Variants in CFAP221 observed in about 807,000 individuals in gnomAD.
CFAP221 encodes cilia- and flagella-associated protein 221.
CFAP221 carries 97 observed loss-of-function variants against 113.1 expected under a neutral mutation model. That is an observed-to-expected ratio of 0.86 (90% CI 0.73 to 1.02). The LOEUF is 1.02. Ranked by LOEUF, CFAP221 falls within the 50% of genes least tolerant of loss-of-function variation. The probability of loss-of-function intolerance (pLI) is 0.00; values close to 1 mark genes in which losing one functional copy is unlikely to be tolerated. For synonymous variants in CFAP221, 331 were observed against 354.4 expected (o/e 0.93, Z 0.74); for missense variants, 1,025 against 1,013.4 (o/e 1.01, Z -0.16).
intron 21 of CFAP221, among the ~76,000 whole-genome samples, chr2:119,640,633 A>G (rs560960402): frequency 1.3e-5 from 2 of 152,282 alleles, no homozygotes; most frequent in Non-Finnish European, 2.9e-5. Flanking sequence ...AATGATTATC[A>G]TCAGCTGTCA....
intron 20 of CFAP221, among the ~76,000 whole-genome samples, 187 bp downstream of exon 20, chr2:119,638,604 G>A (rs1687265725): frequency 6.6e-6 from 1 of 152,144 alleles, no homozygotes; most frequent in South Asian, 2.1e-4. Context: ...GCACCGCCTT[G>A]TCCTGACCAC....
Position 119,627,631 on chromosome 2 carries a change from G to A in CFAP221, c.1517-22G>A, listed in dbSNP as rs374871416. 5.6e-6 allele frequency: 9 copies of A among 1,610,854 alleles called. No homozygotes were observed. The African/African-American group carries it at 1.1e-4, about 19-fold the overall frequency. On this transcript the variant is annotated intron_variant, in intron 15 of 23. Coordinates refer to ENST00000413369, the MANE Select transcript of CFAP221 (RefSeq NM_001271049.2). Reference sequence around the variant, plus strand: ...AAAATACCTTTAGTACCCCCTAAAAGTGCCCTTTTTTTCACCCATAGAGGC... The same window carrying A: ...AAAATACCTTTAGTACCCCCTAAAAATGCCCTTTTTTTCACCCATAGAGGC...
At chr2:119,657,689 A>G (rs368786719), downstream of CFAP221, among the ~76,000 whole-genome samples, 2 of 152,260 alleles carry the variant, frequency 1.3e-5, no homozygotes, top group Admixed American at 6.5e-5. Context: ...AGGAGTCCAC[A>G]CTGCGATTGG....
intron 19 of CFAP221, chr2:119,631,227 T>C (rs760712621): frequency 4.4e-6 from 2 of 453,360 alleles, no homozygotes; most frequent in Non-Finnish European, 6.0e-6. Context: ...AAACAAAAAA[T>C]CTGTGGGAAA....
In CFAP221 at chr2:119,558,030, G is replaced by T. The variant is rs1030524847; in HGVS notation, c.241-1659G>T. 7.3e-5 allele frequency among the ~76,000 whole-genome samples: 11 copies of T among 151,406 alleles called. 1 individual carries two copies. Among genetic ancestry groups the T allele is most frequent in the African/African-American group, 2.7e-4 (11 of 41,170 alleles). On this transcript the variant is annotated intron_variant, in intron 3 of 23. Transcript: ENST00000413369. ...TCCTCTAAGCTTAACCACTCCCAGG[G>T]TACATATTAAAACCAGCTTATGCAC...
intron 23 of CFAP221, among the ~76,000 whole-genome samples, chr2:119,654,057 T>C (rs1208133385): frequency 6.6e-6 from 1 of 152,198 alleles, no homozygotes; most frequent in Non-Finnish European, 1.5e-5. Context: ...GTTTGTCGTC[T>C]ACTTTGTTGT....
chr2:119,650,572 A>T (rs1426346555), intron 22 of CFAP221, among the ~76,000 whole-genome samples: 3 of 152,242 alleles, frequency 2.0e-5, no homozygotes, highest in Non-Finnish European at 4.4e-5. Context: ...GTCAGAATTA[A>T]AGGAGATGCT....
At chr2:119,590,320 C>A (rs1683511581) in intron 7 of CFAP221, 1 of 152,094 alleles carries the variant, frequency 6.6e-6, no homozygotes, top group South Asian at 2.1e-4. Flanking sequence ...TGGGAGTAAA[C>A]CCAGAACCTC....
chr2:119,545,050 AAG>A (rs1491330082), intron 1 of CFAP221: 5 of 144,894 alleles, frequency 3.5e-5, no homozygotes, highest in African/African-American at 1.3e-4. Context: ...GGGAGGGGAG[AAG>A]AGGGGAGGGG....
rs367884122 is a variant in CFAP221 at position 119,647,049 on chromosome 2, C to A, written c.2317C>A (p.Arg773Ser). ...PEEDRLETVE[R>S]ELCEQNVEVM... Reference sequence around the variant, plus strand: ...AGAGGACAGACTAGAAACAGTAGAACGGTATTTTTTTTTTTTTTAATCTTT... The same window carrying A: ...AGAGGACAGACTAGAAACAGTAGAAAGGTATTTTTTTTTTTTTTAATCTTT... Residue 773 changes from arginine to serine, a missense_variant and splice_region_variant, in exon 22 of 24, where the codon CGT becomes AGT. Arg to Ser is a moderately radical substitution (Grantham distance 110, BLOSUM62 -1). Transcript: ENST00000413369. 2 of 1,475,030 alleles carry A rather than the reference C, an allele frequency of 1.4e-6. No individual in the cohort carries two copies. The highest frequency in any genetic ancestry group is 1.8e-6 in the Non-Finnish European group (2 of 1,116,428). 91.4% of individuals were successfully genotyped at this position (1,475,030 alleles called of 1,614,324 possible).
rs1440812337 is a variant in CFAP221 at position 119,604,976 on chromosome 2, A to G, written c.1013A>G (p.Glu338Gly). ...NQEPGKLKIK[E>G]LREVLDQGTE... The stretch of plus-strand genomic sequence containing the variant: ...GAACCAGGAAAATTGAAGATTAAAG[A>G]ATTAAGAGAAGGTAACCAGTTGATT... Residue 338 changes from glutamate (E) to glycine (G), a missense_variant, in exon 10 of 24, where the codon GAA (glutamate) becomes GGA (glycine). By Grantham distance (98) the Glu-to-Gly change is moderately conservative. Coordinates refer to ENST00000413369, the MANE Select transcript of CFAP221 (RefSeq NM_001271049.2). The G allele has an allele frequency of 1.2e-6, 2 of 1,613,942 alleles. No individual in the cohort carries two copies. The highest frequency in any genetic ancestry group is 3.3e-5 in the Admixed American group (2 of 60,016).
At position 119,560,010 on chromosome 2, in the gene CFAP221, T is replaced by A; in HGVS notation, c.410T>A (p.Ile137Asn). The A allele has an allele frequency of 2.0e-6, 3 of 1,513,656 alleles. No homozygotes were observed. The South Asian group carries it at 3.6e-5, about 18-fold the overall frequency. 93.8% of individuals were successfully genotyped at this position (1,513,656 alleles called of 1,614,324 possible). ...GAGTGGCGATACTATTATGACTGCA[T>A]CCGTGTTCACTGTAAGGTAGGTCTC... is the stretch of plus-strand genomic sequence containing the variant. ...PDEWRYYYDC[I>N]RVHCKGDDTL... The change falls in exon 5 of 24, where the codon ATC (isoleucine) becomes AAC (asparagine). Residue 137 changes from isoleucine to asparagine, a missense_variant. Coordinates refer to ENST00000413369, the MANE Select transcript of CFAP221 (RefSeq NM_001271049.2).
At chr2:119,589,628 C>T (rs1683460923) in intron 7 of CFAP221, 1 of 152,238 alleles carries the variant, frequency 6.6e-6, no homozygotes, top group Admixed American at 6.5e-5. Context: ...CATCTACGCA[C>T]ACCTTCCAGG....
intron 17 of CFAP221, among the ~76,000 whole-genome samples, 185 bp downstream of exon 17, chr2:119,630,140 A>T (rs1411229390): frequency 6.6e-6 from 1 of 152,250 alleles, no homozygotes; most frequent in Non-Finnish European, 1.5e-5. Context: ...TGGCTTAGGC[A>T]AACCAGGATT....
chr2:119,603,021 C>T (rs1186894423), intron 8 of CFAP221, among the ~76,000 whole-genome samples: 1 of 152,064 alleles, frequency 6.6e-6, no homozygotes, highest in Non-Finnish European at 1.5e-5. Context: ...CTCTCCAAAA[C>T]TGCAAATAAT....
intron 15 of CFAP221, among the ~76,000 whole-genome samples, chr2:119,626,525 G>A (rs1373810102): frequency 6.6e-6 from 1 of 151,800 alleles, no homozygotes; most frequent in South Asian, 2.1e-4. Context: ...AGAGACTAGG[G>A]TAGTCATCAT....
At chr2:119,624,035 A>T (rs2104741652) in intron 14 of CFAP221, among the ~76,000 whole-genome samples, 1 of 152,318 alleles carries the variant, frequency 6.6e-6, no homozygotes, top group Middle Eastern at 3.4e-3. Context: ...TAATTAAACT[A>T]AAGAGCTTCT....
At chr2:119,592,657 G>A (rs1046801659) in intron 7 of CFAP221, among the ~76,000 whole-genome samples, 1 of 152,112 alleles carries the variant, frequency 6.6e-6, no homozygotes, top group South Asian at 2.1e-4. Context: ...CTAGTGGCTT[G>A]TTAACCAGAG....
In CFAP221 at chr2:119,645,364, C is replaced by G. The variant is rs13411828; in HGVS notation, c.2226-1594C>G. Among the ~76,000 whole-genome samples, 1,067 of 151,892 alleles carry G rather than the reference C, an allele frequency of 7.0e-3. 13 individuals carry two copies. The highest frequency in any genetic ancestry group is 0.025 in the African/African-American group (1,022 of 41,380). On this transcript the variant is annotated intron_variant, in intron 21 of 23. Coordinates refer to ENST00000413369, the MANE Select transcript of CFAP221 (RefSeq NM_001271049.2). The stretch of plus-strand genomic sequence containing the variant: ...CTCCCTCCAGCCCCTGGCAGGTAGC[C>G]AGCTTGGTCTTCTAATGTATCCTTC...
Sources: gnomAD v4.1 joint callset for allele counts (sites outside exome capture counted in the v4.1 genomes callset) on GRCh38, gnomAD v4.1.1 for gene constraint, MANE v1.5 for transcripts, NCBI Gene and HGNC (gene_info 2026-07-23, HGNC 2026-07-21) for gene names.